The following SLC7A7 variants were observed in gnomAD, a reference collection of about 807,000 sequenced individuals.
The protein encoded by SLC7A7 is solute carrier family 7 member 7.
Under a neutral mutation model 47.9 loss-of-function variants are expected in SLC7A7, and 39 were observed. The observed-to-expected ratio is 0.81, with a 90% CI of 0.63 to 1.06. The LOEUF (loss-of-function observed/expected upper bound fraction) is 1.06, where lower values mean the gene tolerates loss of function less well. Among genes scored for constraint, SLC7A7 ranks in the 50% least tolerant of loss-of-function variants. The probability of loss-of-function intolerance (pLI) is 0.00; values close to 1 mark genes in which losing one functional copy is unlikely to be tolerated. For missense variants in SLC7A7, 588 were observed against 632.0 expected, an observed-to-expected ratio of 0.93 and a Z score of 0.75; for synonymous variants, 234 against 242.8, an observed-to-expected ratio of 0.96 and a Z score of 0.34.
chr14:22,803,489 G>A (rs1388697938), intron 2 of SLC7A7, among the ~76,000 whole-genome samples: 1 of 152,172 alleles, frequency 6.6e-6, no homozygotes, highest in Non-Finnish European at 1.5e-5. Flanking sequence ...TCTCTAGTAA[G>A]GTACTATTTT....
intron 7 of SLC7A7, 57 bp from the exon 8 acceptor site, chr14:22,774,560 T>G: frequency 6.2e-7 from 1 of 1,610,002 alleles, no homozygotes; most frequent in Admixed American, 1.7e-5. Context: ...CCAAAGGCTT[T>G]TCACTCCCTT....
Position 22,795,377 on chromosome 14 carries a change from G to GCTTT in SLC7A7, c.500-15327_500-15326insAAAG, listed in dbSNP as rs1315537846. 3.1e-3 allele frequency among the ~76,000 whole-genome samples: 23 copies of GCTTT among 7,324 alleles called. 1 individual carries two copies. The highest frequency in any genetic ancestry group is 3.4e-3 in the African/African-American group (23 of 6,682). The allele number at this position is 7,324 out of a possible 152,430, so 4.8% of individuals were successfully genotyped here. On this transcript the variant is annotated intron_variant, in intron 2 of 9. Transcript: ENST00000674313. ...AGCCACCGTGCCCAATCTGAGTATT[G>GCTTT]CTTGCTTGCTTTCTTTCTTTCTTTC...
At chr14:22,788,605 G>A (rs552898850) in intron 2 of SLC7A7, among the ~76,000 whole-genome samples, 2 of 151,562 alleles carry the variant, frequency 1.3e-5, no homozygotes, top group Non-Finnish European at 2.9e-5. Context: ...TCAGGAGGCT[G>A]AGGCAGGAGA....
upstream of SLC7A7, among the ~76,000 whole-genome samples, chr14:22,817,071 T>A (rs1445658030): frequency 6.6e-6 from 1 of 151,832 alleles, no homozygotes; most frequent in Non-Finnish European, 1.5e-5. Flanking sequence ...CACACAAGTA[T>A]ACTATCTCTC....
At position 22,813,038 on chromosome 14, in the gene SLC7A7, A is replaced by T. The variant is rs1165396177; in HGVS notation, c.361T>A (p.Trp121Arg). ...FGGFLAFIRLWTSLLIIEPTS... is the reference protein window; with the variant it reads ...FGGFLAFIRLRTSLLIIEPTS... ...GGCTCAATGATGAGCAGGGAGGTCC[A>T]GAGTCTGATGAAAGCAAGGAATCCT... Residue 121 changes from tryptophan (W) to arginine (R), a missense_variant, in exon 2 of 10, where the codon TGG becomes AGG. Physicochemically the swap from Trp to Arg is moderately radical, Grantham distance 101. Transcript: ENST00000674313. 1.9e-5 allele frequency: 30 copies of T among 1,613,956 alleles called. No individual in the cohort carries two copies. Among genetic ancestry groups the T allele is most frequent in the Non-Finnish European group, 2.3e-5 (27 of 1,180,004 alleles).
chr14:22,784,768 A>G (rs1278089907), intron 2 of SLC7A7, among the ~76,000 whole-genome samples: 2 of 152,208 alleles, frequency 1.3e-5, no homozygotes, highest in Non-Finnish European at 2.9e-5. Context: ...GCCAGAAAGC[A>G]CCAGACCAGG....
In SLC7A7 at chr14:22,812,339, G is replaced by A. The variant is rs181605094; in HGVS notation, c.499+561C>T. Among the ~76,000 whole-genome samples the A allele has an allele frequency of 9.1e-3, 1,383 of 151,790 alleles. 8 individuals are homozygous for A. The highest frequency in any genetic ancestry group is 0.015 in the Non-Finnish European group (1,021 of 67,936). ...CTGCCACCACACCCAGCTAATTTTT[G>A]TATTTTTAGTAGAGATGGGGTTTCA... On this transcript the variant is annotated intron_variant, in intron 2 of 9. Transcript: ENST00000674313.
At chr14:22,807,963 A>T (rs1356308184) in intron 2 of SLC7A7, among the ~76,000 whole-genome samples, 1 of 152,128 alleles carries the variant, frequency 6.6e-6, no homozygotes, top group Non-Finnish European at 1.5e-5. Flanking sequence ...GGAGTTCGAG[A>T]CCAGCCTGGC....
chr14:22,775,646 A>T (rs1453876477), intron 6 of SLC7A7, 106 bp from the exon 7 acceptor site: 2 of 1,034,220 alleles, frequency 1.9e-6, no homozygotes, highest in Non-Finnish European at 3.1e-6. Context: ...CTTCAAAAGT[A>T]TTTGGATAAT....
chr14:22,809,335 C>T (rs534314876), intron 2 of SLC7A7, among the ~76,000 whole-genome samples: 4 of 149,524 alleles, frequency 2.7e-5, no homozygotes, highest in Non-Finnish European at 3.0e-5. Flanking sequence ...CCCACCACCA[C>T]ACCCAGCTTT....
intron 4 of SLC7A7, 90 bp from the exon 5 acceptor site, chr14:22,776,408 C>T: frequency 2.6e-6 from 4 of 1,536,874 alleles, no homozygotes; most frequent in Non-Finnish European, 3.6e-6. Flanking sequence ...CCACACCGGT[C>T]TTTCCAGGGA....
intron 1 of SLC7A7, 51 bp from the exon 2 acceptor site, chr14:22,813,491 G>A (rs2039356640): frequency 2.7e-6 from 4 of 1,480,032 alleles, no homozygotes; most frequent in Non-Finnish European, 3.7e-6. Context: ...CAATTACATA[G>A]AACCTCTACC....
At chr14:22,818,344 C>G (rs1166546732), upstream of SLC7A7, among the ~76,000 whole-genome samples, 2 of 152,034 alleles carry the variant, frequency 1.3e-5, no homozygotes, top group South Asian at 2.1e-4. Context: ...TCAGTCTGCC[C>G]GTGCGCACTA....
chr14:22,791,785 A>G (rs1008327232), intron 2 of SLC7A7, among the ~76,000 whole-genome samples: 3 of 150,158 alleles, frequency 2.0e-5, no homozygotes, highest in Non-Finnish European at 4.4e-5. Context: ...TCTTTGCTGC[A>G]TCCCCATTTG....
Position 22,807,046 on chromosome 14 carries a change from T to C in SLC7A7, c.499+5854A>G, listed in dbSNP as rs549903944. Among the ~76,000 whole-genome samples the C allele has an allele frequency of 2.2e-3, 337 of 152,146 alleles. 1 individual carries two copies. Among genetic ancestry groups the C allele is most frequent in the African/African-American group, 5.9e-3 (246 of 41,516 alleles). On this transcript the variant is annotated intron_variant, in intron 2 of 9. Transcript: ENST00000674313. ...CCAAGTAGCTGGGACTACAGGCTCC[T>C]GCCACCATGCCCGGCTAATTTTTTC... is the stretch of plus-strand genomic sequence containing the variant.
chr14:22,773,755 A>T (rs746460283), intron 9 of SLC7A7, 39 bp from the exon 10 acceptor site: 1 of 1,599,616 alleles, frequency 6.3e-7, no homozygotes. Flanking sequence ...AGAAGAGGTC[A>T]GCTGGGCTGA....
chr14:22,774,205 G>A (rs938604520), intron 8 of SLC7A7, 89 bp from the exon 9 acceptor site: 13 of 1,583,742 alleles, frequency 8.2e-6, no homozygotes, highest in Middle Eastern at 1.7e-4. Context: ...TTAGCGCACT[G>A]AGCCTTCTTT....
At chr14:22,791,724 C>T (rs1254337439) in intron 2 of SLC7A7, among the ~76,000 whole-genome samples, 2 of 152,052 alleles carry the variant, frequency 1.3e-5, no homozygotes, top group African/African-American at 4.8e-5. Flanking sequence ...TCTCTGGAAA[C>T]GCCTCATATC....
At chr14:22,779,900 T>G in intron 3 of SLC7A7, 26 bp downstream of exon 3, 1 of 1,611,888 alleles carries the variant, frequency 6.2e-7, no homozygotes, top group Non-Finnish European at 8.5e-7. Context: ...TAAAAAAGAT[T>G]AGTTGCTACT....
Sources: gnomAD v4.1 joint callset for allele counts (sites outside exome capture counted in the v4.1 genomes callset) on GRCh38, gnomAD v4.1.1 for gene constraint, MANE v1.5 for transcripts, NCBI Gene and HGNC (gene_info 2026-07-23, HGNC 2026-07-21) for gene names.